The following RTN4 variants were observed in gnomAD, a reference collection of about 807,000 sequenced individuals.
RTN4 encodes reticulon 4.
A neutral mutation model predicts 90.4 loss-of-function variants in RTN4; 32 were observed. The observed-to-expected ratio is 0.35, with a 90% CI of 0.27 to 0.48. RTN4 has a LOEUF of 0.48. Among genes scored for constraint, RTN4 ranks in the 20% least tolerant of loss-of-function variants. The pLI is 0.99. For missense variants in RTN4, 1,706 were observed against 1,430.2 expected (o/e 1.19, Z -3.11); for synonymous variants, 629 against 552.5 (o/e 1.14, Z -1.94).
At chr2:54,993,976 T>C (rs1039831503) in intron 3 of RTN4, among the ~76,000 whole-genome samples, 2 of 152,194 alleles carry the variant, frequency 1.3e-5, no homozygotes, top group Non-Finnish European at 2.9e-5. Context: ...TATTAGTTGA[T>C]ACCAAACAGT....
intron 1 of RTN4, among the ~76,000 whole-genome samples, chr2:55,035,610 T>A (rs1193996216): frequency 2.7e-5 from 4 of 150,398 alleles, no homozygotes; most frequent in African/African-American, 9.8e-5. Flanking sequence ...CAGAAACCAA[T>A]GATAGAAAAC....
At chr2:54,997,338 T>G (rs1679510691) in intron 3 of RTN4, among the ~76,000 whole-genome samples, 1 of 152,048 alleles carries the variant, frequency 6.6e-6, no homozygotes, top group Admixed American at 6.6e-5. Flanking sequence ...ATGGCTATAA[T>G]CAAAAAGATG....
At chr2:54,994,501 A>C (rs1679265772) in intron 3 of RTN4, among the ~76,000 whole-genome samples, 1 of 152,236 alleles carries the variant, frequency 6.6e-6, no homozygotes, top group Non-Finnish European at 1.5e-5. Flanking sequence ...CAACAGATGC[A>C]GAAAAAGCAT....
the RTN4 span, among the ~76,000 whole-genome samples, chr2:55,128,434 G>T: frequency 6.6e-6 from 1 of 152,114 alleles, no homozygotes; most frequent in East Asian, 1.9e-4. Context: ...TCTCTCCGAT[G>T]AGGAAAACGT....
chr2:55,067,475 C>T (rs575688464), intron 2 of RTN4, among the ~76,000 whole-genome samples: 198 of 150,666 alleles, frequency 1.3e-3, no homozygotes, highest in African/African-American at 4.7e-3. Flanking sequence ...TGCAGTTGCA[C>T]GATCTCAGCT....
the RTN4 span, among the ~76,000 whole-genome samples, chr2:55,133,123 A>G: frequency 6.6e-6 from 1 of 152,166 alleles, no homozygotes; most frequent in African/African-American, 2.4e-5. Flanking sequence ...AAGCAGGAGA[A>G]TCACTTGAAC....
At chr2:55,013,520 G>A (rs1680794289) in intron 3 of RTN4, among the ~76,000 whole-genome samples, 1 of 144,142 alleles carries the variant, frequency 6.9e-6, no homozygotes. Context: ...CTGTTAAGTA[G>A]GAAATACGCA....
At chr2:55,017,362 T>C (rs1481486198) in intron 3 of RTN4, among the ~76,000 whole-genome samples, 1 of 152,166 alleles carries the variant, frequency 6.6e-6, no homozygotes, top group Non-Finnish European at 1.5e-5. Flanking sequence ...CATGAACATA[T>C]ATAAGTTTGC....
chr2:55,079,493 G>A (rs1668664926), intron 2 of RTN4, among the ~76,000 whole-genome samples: 3 of 152,168 alleles, frequency 2.0e-5, no homozygotes, highest in Admixed American at 6.5e-5. Flanking sequence ...CAGGTAAAGT[G>A]GCAGAAGACG....
Position 55,074,508 on chromosome 2 carries a change from T to A in RTN4, c.-63+5981A>T, listed in dbSNP as rs113258822. On this transcript the variant is annotated intron_variant, in intron 2 of 3. Transcript: ENST00000427710. ...ACTGAGCAAGACCCTGTCTCCCTGC[T>A]GCCCTCACCAAAAAAAAAAAAAAAA... Among the ~76,000 whole-genome samples the A allele has an allele frequency of 2.3e-4, 30 of 129,894 alleles. 1 individual carries two copies. Among genetic ancestry groups the A allele is most frequent in the African/African-American group, 8.6e-4 (28 of 32,488 alleles). 85.2% of individuals were successfully genotyped at this position (129,894 alleles called of 152,430 possible).
At chr2:55,001,290 G>A (rs774828031) in intron 3 of RTN4, among the ~76,000 whole-genome samples, 2 of 152,096 alleles carry the variant, frequency 1.3e-5, no homozygotes, top group Non-Finnish European at 1.5e-5. Context: ...TAAACACCGA[G>A]TGTGTTTTCA....
chr2:55,065,358 A>T lies in RTN4; in HGVS notation c.-63+15131T>A, dbSNP rs554570832. On this transcript the variant is annotated intron_variant, in intron 2 of 3. Transcript: ENST00000427710. ...TTTGCTAGTGTGATGAATGTGTTAT[A>T]CTACCTCTATGAAGGGCTGCCTTTG... is the stretch of plus-strand genomic sequence containing the variant. 3.6e-3 allele frequency among the ~76,000 whole-genome samples: 544 copies of T among 152,344 alleles called. 1 individual carries two copies. In the Middle Eastern group the frequency reaches 0.041, roughly 11 times the overall value.
chr2:55,124,913 A>T, the RTN4 span, among the ~76,000 whole-genome samples: 6 of 152,314 alleles, frequency 3.9e-5, no homozygotes, highest in East Asian at 5.8e-4. Flanking sequence ...AAGGCCACAT[A>T]TCTATGATCA....
chr2:55,128,136 G>C, the RTN4 span, among the ~76,000 whole-genome samples: 1 of 152,072 alleles, frequency 6.6e-6, no homozygotes, highest in Non-Finnish European at 1.5e-5. Flanking sequence ...ATGAGCCACC[G>C]CACTGGGACT....
chr2:55,137,759 T>G, the RTN4 span, among the ~76,000 whole-genome samples: 2 of 151,792 alleles, frequency 1.3e-5, no homozygotes, highest in African/African-American at 4.8e-5. Flanking sequence ...TAGCCTGAAA[T>G]CTCATTTCCC....
chr2:55,128,123 GGCATGA>G, the RTN4 span, among the ~76,000 whole-genome samples: 1 of 152,124 alleles, frequency 6.6e-6, no homozygotes, highest in Non-Finnish European at 1.5e-5. Flanking sequence ...TGGGATTATA[GGCATGA>G]GCCACCGCAC....
chr2:54,987,355 A>G (rs1678646119), intron 4 of RTN4, 136 bp downstream of exon 4: 1 of 696,424 alleles, frequency 1.4e-6, no homozygotes. Flanking sequence ...TGTTTTTGGT[A>G]TAGCTCAAGC....
In RTN4 at chr2:55,063,877, C is replaced by CA. The variant is rs377335159; in HGVS notation, c.-63+16611dup. On this transcript the variant is annotated intron_variant, in intron 2 of 3. Coordinates refer to the RTN4 transcript ENST00000427710. ...CCTGGGCAACAGGGGGAGACAGTCT[C>CA]AAAAAAAAAAAAGTTACTCTGACTG... Among the ~76,000 whole-genome samples, 690 of 138,930 alleles carry CA rather than the reference C, an allele frequency of 5.0e-3. 4 individuals are homozygous for CA. Among genetic ancestry groups the CA allele is most frequent in the Middle Eastern group, 0.046 (12 of 262 alleles). The allele number at this position is 138,930 out of a possible 152,430, so 91.1% of individuals were successfully genotyped here. A position where few individuals can be genotyped will look rare whatever the true frequency, so the allele number is the denominator to read the frequency against.
At chr2:54,980,364 T>A (rs1161535170) in intron 5 of RTN4, among the ~76,000 whole-genome samples, 1 of 152,218 alleles carries the variant, frequency 6.6e-6, no homozygotes, top group Non-Finnish European at 1.5e-5. Context: ...CAATGGACTG[T>A]GTATGGATGA....
Sources: allele counts gnomAD v4.1 joint callset (sites outside exome capture counted in the v4.1 genomes callset), GRCh38; gene constraint gnomAD v4.1.1; transcripts MANE v1.5; gene names NCBI Gene and HGNC (gene_info 2026-07-23, HGNC 2026-07-21).